The following ADGRL2 variants were observed in gnomAD, a reference collection of about 807,000 sequenced individuals.
ADGRL2 encodes the protein adhesion G protein-coupled receptor L2.
ADGRL2 carries 44 observed loss-of-function variants against 157.4 expected under a neutral mutation model. The observed-to-expected ratio is 0.28, with a 90% CI of 0.22 to 0.36. The LOEUF is 0.36. ADGRL2 is among the 10% of genes least tolerant of loss of function. The pLI is 1.00. For synonymous variants in ADGRL2, 585 were observed against 624.7 expected, an observed-to-expected ratio of 0.94 and a Z score of 0.95; for missense variants, 1,510 against 1,768.9, an observed-to-expected ratio of 0.85 and a Z score of 2.63.
chr1:81,559,365 G>A (rs1382440899), intron 2 of ADGRL2, among the ~76,000 whole-genome samples: 1 of 151,686 alleles, frequency 6.6e-6, no homozygotes, highest in Non-Finnish European at 1.5e-5. Context: ...ATATAAATAC[G>A]ATGAAGAATT....
chr1:81,448,007 G>A (rs2077630100), intron 2 of ADGRL2, among the ~76,000 whole-genome samples: 1 of 151,946 alleles, frequency 6.6e-6, no homozygotes, highest in Admixed American at 6.6e-5. Context: ...AAGTTGGCTT[G>A]CTTTCCCTTC....
At chr1:81,405,512 G>A (rs1204127341) in intron 1 of ADGRL2, among the ~76,000 whole-genome samples, 1 of 151,740 alleles carries the variant, frequency 6.6e-6, no homozygotes, top group Non-Finnish European at 1.5e-5. Context: ...TTAGCCATGG[G>A]GGTGTTGCCC....
intron 2 of ADGRL2, among the ~76,000 whole-genome samples, chr1:81,473,972 A>G (rs944889583): frequency 6.6e-6 from 1 of 152,222 alleles, no homozygotes; most frequent in East Asian, 1.9e-4. Context: ...CACTTGGCCT[A>G]GGCCTGTTGC....
At chr1:81,954,609 G>A (rs1243206474) in intron 10 of ADGRL2, among the ~76,000 whole-genome samples, 1 of 152,040 alleles carries the variant, frequency 6.6e-6, no homozygotes, top group East Asian at 1.9e-4. Flanking sequence ...ACCAATTTCT[G>A]TTCCACTCTA....
intron 3 of ADGRL2, among the ~76,000 whole-genome samples, chr1:81,920,908 T>G (rs1361340582): frequency 6.6e-6 from 1 of 152,104 alleles, no homozygotes; most frequent in Non-Finnish European, 1.5e-5. Context: ...TAAAAATGGC[T>G]TTTTGCACTC....
chr1:81,481,883 A>T lies in ADGRL2; in HGVS notation c.-248+36794A>T, dbSNP rs1291023212. Among the ~76,000 whole-genome samples, 22 of 152,134 alleles carry T rather than the reference A, an allele frequency of 1.4e-4. 1 individual carries two copies. The highest frequency in any genetic ancestry group is 1.4e-3 in the Admixed American group (22 of 15,272). ...CTGTTTCTTTGCCTCCATCTCACAC[A>T]GATCCACTTCTCATTTTTTCAAGTC... On this transcript the variant is annotated intron_variant, in intron 2 of 24. Transcript: ENST00000370721.
At chr1:81,717,910 A>C (rs914128290) in intron 1 of ADGRL2, among the ~76,000 whole-genome samples, 1 of 152,244 alleles carries the variant, frequency 6.6e-6, no homozygotes, top group Admixed American at 6.5e-5. Flanking sequence ...TTTTGAAAAC[A>C]TACTTTTACC....
chr1:81,535,329 A>G (rs1347490998), intron 2 of ADGRL2, among the ~76,000 whole-genome samples: 12 of 152,092 alleles, frequency 7.9e-5, no homozygotes. Flanking sequence ...TATATTGCTA[A>G]CCATTCCATA....
At chr1:81,910,244 C>CAATAATAATAATAATAATAATAATAAT (rs10631240) in intron 3 of ADGRL2, among the ~76,000 whole-genome samples, 1 of 143,056 alleles carries the variant, frequency 7.0e-6, no homozygotes, top group African/African-American at 2.6e-5. Flanking sequence ...GCCTAAAAAA[C>CAATAATAATAATAATAATAATAATAAT]AATAATAATA....
chr1:81,663,188 A>G (rs1198875736), intron 3 of ADGRL2, among the ~76,000 whole-genome samples: 3 of 151,808 alleles, frequency 2.0e-5, no homozygotes, highest in African/African-American at 7.3e-5. Context: ...CCCTCTCATC[A>G]AATAACCAGT....
intron 3 of ADGRL2, among the ~76,000 whole-genome samples, chr1:81,687,774 A>C (rs893147231): frequency 2.0e-5 from 3 of 152,092 alleles, no homozygotes; most frequent in Non-Finnish European, 4.4e-5. Context: ...TGGGTGACTT[A>C]TGCTTTAAAG....
At chr1:81,405,331 C>T (rs1175030838) in intron 1 of ADGRL2, among the ~76,000 whole-genome samples, 1 of 152,088 alleles carries the variant, frequency 6.6e-6, no homozygotes, top group Non-Finnish European at 1.5e-5. Flanking sequence ...GGATGTACTG[C>T]CACATATTCA....
At chr1:81,835,544 C>T (rs1264253417) in intron 1 of ADGRL2, among the ~76,000 whole-genome samples, 2 of 152,078 alleles carry the variant, frequency 1.3e-5, no homozygotes, top group Non-Finnish European at 1.5e-5. Flanking sequence ...CAGAGCCAGC[C>T]AGCTAGTTTT....
At chr1:81,341,447 AT>A (rs57301400) in intron 1 of ADGRL2, among the ~76,000 whole-genome samples, 55,104 of 148,784 alleles carry the variant, frequency 0.37, 10,415 homozygotes, top group African/African-American at 0.44. Flanking sequence ...GAAAACTGTG[AT>A]TTTTTTTTTT....
intron 2 of ADGRL2, among the ~76,000 whole-genome samples, chr1:81,464,933 G>GAA (rs199573052): frequency 0.63 from 87,141 of 138,500 alleles, 30,083 homozygotes; most frequent in Non-Finnish European, 0.79. Context: ...CCACCAGGGA[G>GAA]AAAAAAAAAA....
chr1:81,729,479 A>G (rs2084649722), intron 1 of ADGRL2, among the ~76,000 whole-genome samples: 1 of 152,234 alleles, frequency 6.6e-6, no homozygotes, highest in African/African-American at 2.4e-5. Context: ...TTGCAATGCC[A>G]CATTTCAAGC....
intron 1 of ADGRL2, among the ~76,000 whole-genome samples, chr1:81,390,251 T>C (rs2076512059): frequency 6.6e-6 from 1 of 152,304 alleles, no homozygotes; most frequent in African/African-American, 2.4e-5. Context: ...AGCAAACGTT[T>C]GAAACCCACT....
intron 23 of ADGRL2, chr1:81,989,759 G>C: frequency 1.9e-6 from 3 of 1,598,038 alleles, no homozygotes; most frequent in Non-Finnish European, 2.6e-6. Flanking sequence ...GTGCTTGTGG[G>C]CCCCTGGTCC....
chr1:81,870,258 C>A (rs528857439), intron 2 of ADGRL2, among the ~76,000 whole-genome samples: 2 of 152,016 alleles, frequency 1.3e-5, no homozygotes, highest in East Asian at 1.9e-4. Context: ...AATTGAAATA[C>A]CTGATTCTCT....
Sources: gnomAD v4.1 joint callset for allele counts (sites outside exome capture counted in the v4.1 genomes callset) on GRCh38, gnomAD v4.1.1 for gene constraint, MANE v1.5 for transcripts, NCBI Gene and HGNC (gene_info 2026-07-23, HGNC 2026-07-21) for gene names.